SHROOM4: variants seen among roughly 807,000 people sequenced by gnomAD.
SHROOM4 encodes shroom family member 4.
Under a neutral mutation model 80.3 loss-of-function variants are expected in SHROOM4, and 17 were observed. The observed-to-expected ratio is 0.21, with a 90% CI of 0.14 to 0.32. The LOEUF is 0.32. Ranked by LOEUF, SHROOM4 falls within the 10% of genes least tolerant of loss-of-function variation. The pLI, the probability that SHROOM4 is intolerant of heterozygous loss-of-function variation, is 1.00. For synonymous variants in SHROOM4, 400 were observed against 437.5 expected (o/e 0.91, Z 1.07); for missense variants, 993 against 1,140.3 (o/e 0.87, Z 1.86).
At chrX:50,750,500 G>A (rs1418801905) in intron 1 of SHROOM4, among the ~76,000 whole-genome samples, 1 of 112,049 alleles carries the variant, frequency 8.9e-6, no homozygotes, top group Admixed American at 9.4e-5. Flanking sequence ...GACCTCAGGT[G>A]ATCCACTCGC....
intron 2 of SHROOM4, among the ~76,000 whole-genome samples, chrX:50,687,603 C>A (rs981396913): frequency 9.0e-6 from 1 of 110,691 alleles, no homozygotes; most frequent in Non-Finnish European, 1.9e-5. Context: ...ATGACAACAA[C>A]AAAGACAGGA....
intron 1 of SHROOM4, among the ~76,000 whole-genome samples, chrX:50,806,152 G>C (rs1313737139): frequency 3.6e-5 from 4 of 111,754 alleles, no homozygotes; most frequent in Non-Finnish European, 7.5e-5. Context: ...TCTTGGGTGG[G>C]GGATGGGAAC....
chrX:50,694,384 A>C (rs782551041), intron 2 of SHROOM4, among the ~76,000 whole-genome samples: 2 of 105,278 alleles, frequency 1.9e-5, no homozygotes, highest in Non-Finnish European at 3.9e-5. Context: ...TTTTTTTTTT[A>C]ATAAAAACCA....
intron 1 of SHROOM4, among the ~76,000 whole-genome samples, chrX:50,732,834 C>T (rs782226199): frequency 1.8e-5 from 2 of 112,058 alleles, no homozygotes; most frequent in Non-Finnish European, 3.8e-5. Context: ...TTCTACTAAA[C>T]ATTCAAAGAG....
At chrX:50,619,578 T>C (rs1048087018) in intron 5 of SHROOM4, among the ~76,000 whole-genome samples, 1 of 111,683 alleles carries the variant, frequency 9.0e-6, no homozygotes, top group Non-Finnish European at 1.9e-5. Context: ...CCCTGAACCT[T>C]CTCTAGTCCT....
Position 50,607,530 on chromosome X carries a change from C to T in SHROOM4, c.3612G>A (p.Glu1204=). 3.3e-6 allele frequency: 4 copies of T among 1,211,463 alleles called. No individual in the cohort carries two copies. Among genetic ancestry groups the T allele is most frequent in the Non-Finnish European group, 4.5e-6 (4 of 895,466 alleles). The change falls in exon 6 of 9, where the codon GAG becomes GAA. Residue 1204 remains glutamate (E), a synonymous_variant. Transcript: ENST00000376020. ...TGGAATGGAGTGCAAAGGATTCTTG[C>T]TCTGCTGGGACACTTTGTGAACCCT... ...SRQGSQSVPA[E]QESFALHSSD...
chrX:50,588,292 T>C lies in SHROOM4; in HGVS notation c.*8403A>G, dbSNP rs782679624. 1.8e-5 allele frequency among the ~76,000 whole-genome samples: 2 copies of C among 111,696 alleles called. No homozygotes were observed. Among genetic ancestry groups the C allele is most frequent in the Non-Finnish European group, 3.8e-5 (2 of 53,130 alleles). On this transcript the variant is annotated 3_prime_UTR_variant, in exon 9 of 9. Coordinates refer to ENST00000376020, the MANE Select transcript of SHROOM4 (RefSeq NM_020717.5). ...GCAGGGTAGGTAAGGAAAGGAACCA[T>C]CATCTACGGAGAACCTACCATATGA...
intron 2 of SHROOM4, among the ~76,000 whole-genome samples, chrX:50,647,424 T>G (rs1931881007): frequency 9.0e-6 from 1 of 110,976 alleles, no homozygotes; most frequent in African/African-American, 3.3e-5. Flanking sequence ...ATAGGGAAAA[T>G]GGCATCAAGT....
At chrX:50,742,641 C>CGGG (rs56399537) in intron 1 of SHROOM4, among the ~76,000 whole-genome samples, 3 of 73,693 alleles carry the variant, frequency 4.1e-5, no homozygotes, top group Admixed American at 3.1e-4. Flanking sequence ...ATGAATTTTT[C>CGGG]GGGGGGGGGG....
In SHROOM4 at chrX:50,607,698, CTCCTCT is replaced by C. The variant is rs782254190; in HGVS notation, c.3438_3443del (p.Glu1150_Glu1151del). On this transcript the variant is annotated inframe_deletion, in exon 6 of 9. Transcript: ENST00000376020. The stretch of plus-strand genomic sequence containing the variant: ...CTTCCTCCTCCTCTGCCTCCTCCTC[CTCCTCT>C]TCCTCTTCCTCTTCTTCTTCTTCTT... 1.2e-4 allele frequency: 140 copies of C among 1,187,014 alleles called. No homozygotes were observed. Among genetic ancestry groups the C allele is most frequent in the East Asian group, 1.5e-4 (5 of 33,167 alleles).
In SHROOM4 at chrX:50,789,929, G is replaced by T. The variant is rs782656120; in HGVS notation, c.117+23973C>A. ...CACAGAGTGTACTTACACAAACCTAGATGGTATAGCCTATTACACCTAGGC... is the reference window on the plus strand; with the variant it reads ...CACAGAGTGTACTTACACAAACCTATATGGTATAGCCTATTACACCTAGGC... On this transcript the variant is annotated intron_variant, in intron 1 of 8. Coordinates refer to ENST00000376020, the MANE Select transcript of SHROOM4 (RefSeq NM_020717.5). 3.6e-5 allele frequency among the ~76,000 whole-genome samples: 4 copies of T among 112,078 alleles called. No homozygotes were observed. In the South Asian group the frequency reaches 1.5e-3, roughly 42 times the overall value.
At chrX:50,764,218 C>A (rs2147635081) in intron 1 of SHROOM4, among the ~76,000 whole-genome samples, 1 of 111,110 alleles carries the variant, frequency 9.0e-6, no homozygotes, top group Non-Finnish European at 1.9e-5. Context: ...ACCCTATAAG[C>A]AGGAGCTGGA....
intron 1 of SHROOM4, among the ~76,000 whole-genome samples, chrX:50,801,498 T>C (rs1464385267): frequency 9.0e-6 from 1 of 111,015 alleles, no homozygotes; most frequent in Non-Finnish European, 1.9e-5. Flanking sequence ...CTTTTATTAG[T>C]GGCTAGATGG....
intron 6 of SHROOM4, among the ~76,000 whole-genome samples, chrX:50,606,558 T>C (rs1231080553): frequency 3.7e-5 from 4 of 108,021 alleles, no homozygotes; most frequent in Non-Finnish European, 7.7e-5. Flanking sequence ...GCAATGATGG[T>C]CCTGGGGCTT....
At chrX:50,722,871 C>G (rs1281932276) in intron 1 of SHROOM4, among the ~76,000 whole-genome samples, 3 of 110,703 alleles carry the variant, frequency 2.7e-5, no homozygotes, top group Admixed American at 9.6e-5. Context: ...CAATAAGTAG[C>G]ATGTAGGGAA....
chrX:50,578,080 C>T, the SHROOM4 span, among the ~76,000 whole-genome samples: 1 of 111,853 alleles, frequency 8.9e-6, no homozygotes, highest in African/African-American at 3.3e-5. Flanking sequence ...AGGTAAAGTG[C>T]ATGCACACAT....
At chrX:50,582,201 A>G (rs1157670324), downstream of SHROOM4, among the ~76,000 whole-genome samples, 2 of 111,879 alleles carry the variant, frequency 1.8e-5, no homozygotes, top group Non-Finnish European at 3.8e-5. Flanking sequence ...TTAAAGCCAC[A>G]AGGAAAGGAA....
intron 1 of SHROOM4, among the ~76,000 whole-genome samples, chrX:50,727,010 G>A (rs929436153): frequency 4.2e-4 from 48 of 113,226 alleles, no homozygotes; most frequent in African/African-American, 1.5e-3. Context: ...GTACCCTACA[G>A]AGCCACAGGG....
At chrX:50,694,543 A>ATTTTTTTTTCTTTTTTTTT (rs1933314840) in intron 2 of SHROOM4, among the ~76,000 whole-genome samples, 1 of 12,493 alleles carries the variant, frequency 8.0e-5, no homozygotes, top group Non-Finnish European at 1.3e-4. Context: ...TTTAAGTTGG[A>ATTTTTTTTTCTTTTTTTTT]TTTTTTTTTT....
Sources: gnomAD v4.1 joint callset for allele counts (sites outside exome capture counted in the v4.1 genomes callset) on GRCh38, gnomAD v4.1.1 for gene constraint, MANE v1.5 for transcripts, NCBI Gene and HGNC (gene_info 2026-07-23, HGNC 2026-07-21) for gene names.